The following DOCK3 variants were observed in gnomAD, a reference collection of about 807,000 sequenced individuals.
DOCK3 encodes the protein dedicator of cytokinesis protein 3.
DOCK3 carries 60 observed loss-of-function variants against 265.6 expected under a neutral mutation model. The ratio of observed to expected loss-of-function variants is 0.23; its 90% confidence interval spans 0.18 to 0.28. The LOEUF is 0.28. DOCK3 is among the 10% of genes least tolerant of loss of function. The pLI is 1.00. For missense variants in DOCK3, 1,981 were observed against 2,594.3 expected (o/e 0.76, Z 5.14); for synonymous variants, 881 against 938.0 (o/e 0.94, Z 1.11).
At chr3:50,801,558 A>T (rs573967010) in intron 2 of DOCK3, among the ~76,000 whole-genome samples, 11 of 152,236 alleles carry the variant, frequency 7.2e-5, no homozygotes, top group Admixed American at 3.9e-4. Flanking sequence ...TTGAAGAGAA[A>T]TTTAGAACTC....
At chr3:51,249,143 A>C (rs2079018044) in intron 22 of DOCK3, among the ~76,000 whole-genome samples, 1 of 121,518 alleles carries the variant, frequency 8.2e-6, no homozygotes. Context: ...CCCGTCCGGG[A>C]GGGAGGTGGG....
rs951588178 is a variant in DOCK3 at position 51,062,570 on chromosome 3, A to G, written c.316-1878A>G. Among the ~76,000 whole-genome samples, 3 of 152,228 alleles carry G rather than the reference A, an allele frequency of 2.0e-5. No homozygotes were observed. The South Asian group carries it at 6.2e-4, about 32-fold the overall frequency. On this transcript the variant is annotated intron_variant, in intron 5 of 52. Transcript: ENST00000266037. ...TGGCCACTCTGATTTTTCTTTTTAT[A>G]ATTTATCACCATCATTAATGATTTG...
intron 1 of DOCK3, chr3:50,685,623 G>T: frequency 5.9e-6 from 1 of 169,050 alleles, no homozygotes; most frequent in Non-Finnish European, 1.3e-5. Flanking sequence ...ACACCATTAT[G>T]GCATGTTAAG....
chr3:50,764,740 G>A (rs894238961), intron 1 of DOCK3, among the ~76,000 whole-genome samples: 4 of 152,104 alleles, frequency 2.6e-5, no homozygotes, highest in Non-Finnish European at 2.9e-5. Context: ...TTGAGCCAAG[G>A]AGTTTGAGAC....
intron 32 of DOCK3, among the ~76,000 whole-genome samples, chr3:51,326,951 C>G (rs1048974161): frequency 6.6e-6 from 1 of 152,066 alleles, no homozygotes; most frequent in African/African-American, 2.4e-5. Context: ...CAGGTTCATT[C>G]CAAATTTTTG....
intron 1 of DOCK3, among the ~76,000 whole-genome samples, chr3:50,723,930 A>T (rs1366274105): frequency 6.6e-6 from 1 of 152,210 alleles, no homozygotes; most frequent in African/African-American, 2.4e-5. Flanking sequence ...ATTGGAGAAT[A>T]TTTTTGCAAT....
At chr3:51,228,111 A>G (rs1420349966) in intron 17 of DOCK3, 23 bp downstream of exon 17, 35 of 1,611,036 alleles carry the variant, frequency 2.2e-5, no homozygotes, top group Non-Finnish European at 3.0e-5. Flanking sequence ...GCTGCCTTTC[A>G]TCCCCACCCC....
chr3:51,198,579 C>CAAAAAAA (rs33915233), intron 12 of DOCK3, among the ~76,000 whole-genome samples: 1 of 131,168 alleles, frequency 7.6e-6, no homozygotes, highest in Non-Finnish European at 1.6e-5. Flanking sequence ...GACAGGTCAC[C>CAAAAAAA]AAAAAAAAAA....
intron 5 of DOCK3, among the ~76,000 whole-genome samples, chr3:50,996,035 G>A (rs909417252): frequency 4.0e-5 from 6 of 148,974 alleles, no homozygotes; most frequent in Non-Finnish European, 5.9e-5. Flanking sequence ...CATCACACCC[G>A]GCTAATTTTT....
At chr3:50,943,058 T>G (rs1351362579) in intron 5 of DOCK3, among the ~76,000 whole-genome samples, 1 of 152,072 alleles carries the variant, frequency 6.6e-6, no homozygotes, top group Non-Finnish European at 1.5e-5. Flanking sequence ...AAGAACATAC[T>G]TAACTGTTTA....
At chr3:51,229,714 A>G in intron 19 of DOCK3, 105 bp downstream of exon 19, 3 of 810,494 alleles carry the variant, frequency 3.7e-6, no homozygotes, top group Non-Finnish European at 5.3e-6. Flanking sequence ...CTGTTTCATC[A>G]GATTTTTGTT....
intron 9 of DOCK3, among the ~76,000 whole-genome samples, chr3:51,096,036 T>G (rs1366604964): frequency 1.3e-5 from 2 of 151,994 alleles, no homozygotes; most frequent in Non-Finnish European, 2.9e-5. Flanking sequence ...TTTCCTCTGG[T>G]TGCCTTTAAC....
At chr3:50,786,307 C>A (rs1038159418) in intron 2 of DOCK3, among the ~76,000 whole-genome samples, 5 of 152,062 alleles carry the variant, frequency 3.3e-5, no homozygotes, top group African/African-American at 1.2e-4. Flanking sequence ...TTGAAACTTA[C>A]AAAAGTCACC....
chr3:51,102,554 A>G (rs145708469), intron 9 of DOCK3, among the ~76,000 whole-genome samples: 1 of 152,336 alleles, frequency 6.6e-6, no homozygotes, highest in East Asian at 1.9e-4. Context: ...TGAGTGACAT[A>G]TATGTATACT....
At chr3:51,253,214 C>T (rs2079357241) in intron 22 of DOCK3, among the ~76,000 whole-genome samples, 1 of 152,132 alleles carries the variant, frequency 6.6e-6, no homozygotes, top group Non-Finnish European at 1.5e-5. Context: ...GGATGAAGCC[C>T]ACTTGATCTT....
At chr3:51,124,231 C>T (rs144379077) in intron 9 of DOCK3, among the ~76,000 whole-genome samples, 4 of 152,230 alleles carry the variant, frequency 2.6e-5, no homozygotes, top group African/African-American at 4.8e-5. Flanking sequence ...AATATGAGAA[C>T]GGTGCTGCTA....
chr3:50,809,529 A>G lies in DOCK3; in HGVS notation c.121+30771A>G, dbSNP rs141615477. ...TTGGCACTATATACTATAGCTGAAT[A>G]TACACATACCTTATAATTTAACAAT... On this transcript the variant is annotated intron_variant, in intron 2 of 52. Transcript: ENST00000266037. 8.0e-4 allele frequency among the ~76,000 whole-genome samples: 122 copies of G among 152,374 alleles called. No individual in the cohort carries two copies. The Middle Eastern group carries it at 0.014, about 17-fold the overall frequency.
At chr3:51,265,858 A>G (rs2080132325) in intron 23 of DOCK3, among the ~76,000 whole-genome samples, 1 of 152,236 alleles carries the variant, frequency 6.6e-6, no homozygotes, top group Non-Finnish European at 1.5e-5. Flanking sequence ...GCAGTCAGGC[A>G]AGAGAAAAAA....
intron 3 of DOCK3, among the ~76,000 whole-genome samples, chr3:50,844,410 G>A (rs918413526): frequency 6.6e-6 from 1 of 151,944 alleles, no homozygotes; most frequent in Non-Finnish European, 1.5e-5. Flanking sequence ...TTGTAGAGAT[G>A]GGGTATCTCT....
Sources: gnomAD v4.1 joint callset for allele counts (sites outside exome capture counted in the v4.1 genomes callset) on GRCh38, gnomAD v4.1.1 for gene constraint, MANE v1.5 for transcripts, NCBI Gene and HGNC (gene_info 2026-07-23, HGNC 2026-07-21) for gene names.